The following RBFOX1 variants were observed in gnomAD, a reference collection of about 807,000 sequenced individuals.
The protein encoded by RBFOX1 is RNA binding fox-1 homolog 1, also known as RNA binding protein fox-1 homolog 1.
In RBFOX1, 8 loss-of-function variants were observed where a neutral mutation model predicts 57.7. That is an observed-to-expected ratio of 0.14 (90% CI 0.08 to 0.25). The LOEUF (loss-of-function observed/expected upper bound fraction) is 0.25. RBFOX1 is among the 10% of genes least tolerant of loss of function. The pLI, the probability that RBFOX1 is intolerant of heterozygous loss-of-function variation, is 1.00. For missense variants in RBFOX1, 611 were observed against 548.5 expected (o/e 1.11, Z -1.14); for synonymous variants, 326 against 222.4 (o/e 1.47, Z -4.15).
intron 5 of RBFOX1, 46 bp downstream of exon 5, chr16:7,518,435 C>A: frequency 6.4e-7 from 1 of 1,561,740 alleles, no homozygotes; most frequent in Non-Finnish European, 8.7e-7. Flanking sequence ...GGGGAGGCGC[C>A]CCCAGCCCTG....
chr16:6,928,172 G>A (rs187328162), intron 3 of RBFOX1, among the ~76,000 whole-genome samples: 2 of 152,270 alleles, frequency 1.3e-5, no homozygotes, highest in African/African-American at 4.8e-5. Flanking sequence ...CTGTGCATTG[G>A]CATTGCATGG....
At chr16:6,977,936 G>GAAAAAAAAA in intron 3 of RBFOX1, among the ~76,000 whole-genome samples, 1 of 32,752 alleles carries the variant, frequency 3.1e-5, no homozygotes, top group Admixed American at 2.1e-4. Context: ...GCCTCCCCAG[G>GAAAAAAAAA]GAAAAAAAAA....
chr16:5,365,363 C>T (rs1169420041), intron 1 of RBFOX1, among the ~76,000 whole-genome samples: 1 of 152,146 alleles, frequency 6.6e-6, no homozygotes, highest in Non-Finnish European at 1.5e-5. Context: ...TCTAAAGATC[C>T]TGGCATTAAG....
intron 4 of RBFOX1, among the ~76,000 whole-genome samples, chr16:7,305,684 A>G (rs946711085): frequency 6.6e-6 from 1 of 152,114 alleles, no homozygotes; most frequent in Non-Finnish European, 1.5e-5. Flanking sequence ...TGTTTTGAAC[A>G]TTTGGGTGAT....
intron 12 of RBFOX1, among the ~76,000 whole-genome samples, chr16:7,663,573 T>C (rs144744586): frequency 1.7e-4 from 26 of 152,156 alleles, no homozygotes; most frequent in Non-Finnish European, 2.9e-4. Flanking sequence ...TTTGCTTACA[T>C]GTGGGTTCAT....
chr16:6,891,667 T>G (rs1028618060), intron 3 of RBFOX1, among the ~76,000 whole-genome samples: 1 of 152,220 alleles, frequency 6.6e-6, no homozygotes, highest in Non-Finnish European at 1.5e-5. Flanking sequence ...CAACAAATTG[T>G]TAATGTAATG....
At chr16:6,457,004 G>A (rs1162992951) in intron 2 of RBFOX1, among the ~76,000 whole-genome samples, 2 of 152,186 alleles carry the variant, frequency 1.3e-5, no homozygotes, top group African/African-American at 4.8e-5. Context: ...AGGCAGCTGA[G>A]TATAAGAATC....
intron 2 of RBFOX1, among the ~76,000 whole-genome samples, chr16:5,581,025 C>T (rs573877901): frequency 5.7e-4 from 87 of 152,250 alleles, no homozygotes; most frequent in African/African-American, 1.6e-3. Flanking sequence ...TGTGCACAGA[C>T]CTGGGATGGA....
At chr16:7,379,698 G>A (rs186376696) in intron 4 of RBFOX1, among the ~76,000 whole-genome samples, 156 of 151,974 alleles carry the variant, frequency 1.0e-3, no homozygotes, top group Non-Finnish European at 1.4e-3. Context: ...TCTTAAGCTG[G>A]GTAGTAACTA....
intron 4 of RBFOX1, among the ~76,000 whole-genome samples, chr16:7,217,289 C>CTTTTTTTTT (rs1430433105): frequency 1.7e-5 from 1 of 58,560 alleles, no homozygotes; most frequent in African/African-American, 7.3e-5. Context: ...TTTTCTTATT[C>CTTTTTTTTT]TTCTTTTTTT....
chr16:5,578,946 C>T (rs11643789), intron 2 of RBFOX1, among the ~76,000 whole-genome samples: 283 of 146,412 alleles, frequency 1.9e-3, no homozygotes, highest in African/African-American at 6.8e-3. Flanking sequence ...CTCCTGGGTT[C>T]TAGTGATTCT....
intron 4 of RBFOX1, among the ~76,000 whole-genome samples, chr16:7,382,843 T>C (rs2148026162): frequency 6.6e-6 from 1 of 152,370 alleles, no homozygotes; most frequent in South Asian, 2.1e-4. Flanking sequence ...AATTGCTCCC[T>C]ACTTATAATC....
intron 14 of RBFOX1, among the ~76,000 whole-genome samples, chr16:7,682,581 C>G (rs1305022470): frequency 6.7e-6 from 1 of 150,180 alleles, no homozygotes; most frequent in Non-Finnish European, 1.5e-5. Flanking sequence ...TTTACTCAAC[C>G]TGATGAACTC....
intron 4 of RBFOX1, among the ~76,000 whole-genome samples, chr16:7,305,144 T>A (rs561076829): frequency 1.3e-5 from 2 of 152,084 alleles, no homozygotes; most frequent in African/African-American, 4.8e-5. Flanking sequence ...TGTGTGGGTT[T>A]TTTTTTCCCT....
intron 4 of RBFOX1, among the ~76,000 whole-genome samples, chr16:7,263,881 C>T (rs1240707748): frequency 7.5e-6 from 1 of 132,592 alleles, no homozygotes; most frequent in Admixed American, 7.8e-5. Flanking sequence ...GCCTGGGCAA[C>T]AAGAGCAAAA....
intron 4 of RBFOX1, among the ~76,000 whole-genome samples, chr16:5,942,269 G>T (rs1201629464): frequency 6.6e-6 from 1 of 152,106 alleles, no homozygotes; most frequent in Non-Finnish European, 1.5e-5. Context: ...AGTTTGATTG[G>T]CAGGGGACTA....
chr16:6,292,279 G>C (rs72776497), intron 1 of RBFOX1, among the ~76,000 whole-genome samples: 20,720 of 151,702 alleles, frequency 0.14, 1,717 homozygotes, highest in Non-Finnish European at 0.17. Flanking sequence ...AATAGAAAAA[G>C]AAGCTGAATT....
At chr16:7,580,266 A>G (rs1194939079) in intron 6 of RBFOX1, among the ~76,000 whole-genome samples, 1 of 152,180 alleles carries the variant, frequency 6.6e-6, no homozygotes, top group African/African-American at 2.4e-5. Context: ...GCAAAAATAC[A>G]CATCGAGTCC....
At chr16:6,066,493 A>G (rs2095764910) in intron 1 of RBFOX1, among the ~76,000 whole-genome samples, 1 of 152,086 alleles carries the variant, frequency 6.6e-6, no homozygotes, top group African/African-American at 2.4e-5. Flanking sequence ...AGAAATGGGA[A>G]TACATGCAGT....
Sources: gnomAD v4.1 joint callset for allele counts (sites outside exome capture counted in the v4.1 genomes callset) on GRCh38, gnomAD v4.1.1 for gene constraint, MANE v1.5 for transcripts, NCBI Gene and HGNC (gene_info 2026-07-23, HGNC 2026-07-21) for gene names.